CDH2: variants seen among roughly 807,000 people sequenced by gnomAD.
CDH2 encodes cadherin-2.
Under a neutral mutation model 92.0 loss-of-function variants are expected in CDH2, and 17 were observed. That is an observed-to-expected ratio of 0.18 (90% CI 0.13 to 0.28). CDH2 has a LOEUF of 0.28. Ranked by LOEUF, CDH2 falls within the 10% of genes least tolerant of loss-of-function variation. The pLI is 1.00. For synonymous variants in CDH2, 419 were observed against 415.9 expected (o/e 1.01, Z -0.09); for missense variants, 862 against 1,133.1 (o/e 0.76, Z 3.44).
chr18:28,175,811 G>A (rs1009286404), intron 1 of CDH2, among the ~76,000 whole-genome samples: 3 of 152,230 alleles, frequency 2.0e-5, no homozygotes, highest in Admixed American at 6.5e-5. Flanking sequence ...GGGACCCTCC[G>A]TGGATTTTCC....
chr18:28,170,081 T>C (rs1568025700), intron 1 of CDH2, among the ~76,000 whole-genome samples: 1 of 152,240 alleles, frequency 6.6e-6, no homozygotes, highest in African/African-American at 2.4e-5. Flanking sequence ...GGTTATTCCA[T>C]GATGTCAGCA....
At chr18:28,129,811 T>C (rs2015736633) in intron 2 of CDH2, among the ~76,000 whole-genome samples, 1 of 152,138 alleles carries the variant, frequency 6.6e-6, no homozygotes, top group African/African-American at 2.4e-5. Flanking sequence ...AATCAATTAA[T>C]TAATTAATTA....
chr18:28,069,138 A>G (rs1195283985), intron 2 of CDH2, among the ~76,000 whole-genome samples: 1 of 152,198 alleles, frequency 6.6e-6, no homozygotes, highest in African/African-American at 2.4e-5. Flanking sequence ...TTGACAAAGT[A>G]AAGATGCACA....
chr18:27,963,613 A>G lies in CDH2; in HGVS notation c.2350-92T>C, dbSNP rs1426832062. Reference sequence around the variant, plus strand: ...TTTTAAGCACATACTCAGAACACATAGAAATGAGGAAAATTTAACATAATG... The same window carrying G: ...TTTTAAGCACATACTCAGAACACATGGAAATGAGGAAAATTTAACATAATG... On this transcript the variant is annotated intron_variant, in intron 14 of 15. Transcript: ENST00000269141. 7 of 1,080,662 alleles carry G rather than the reference A, an allele frequency of 6.5e-6. No homozygotes were observed. In the East Asian group the frequency reaches 1.7e-4, roughly 27 times the overall value. The allele number at this position is 1,080,662 out of a possible 1,614,324, so 66.9% of individuals were successfully genotyped here.
chr18:27,955,507 T>A (rs1054801664), intron 15 of CDH2, among the ~76,000 whole-genome samples: 2 of 151,056 alleles, frequency 1.3e-5, no homozygotes, highest in African/African-American at 4.9e-5. Flanking sequence ...AGGGATGGCC[T>A]GTGTTTACTA....
At chr18:27,971,308 CTTTT>C (rs60035433) in intron 14 of CDH2, among the ~76,000 whole-genome samples, 3 of 114,472 alleles carry the variant, frequency 2.6e-5, no homozygotes, top group Non-Finnish European at 3.7e-5. Flanking sequence ...CATGTCAGTT[CTTTT>C]TTTTTTTTTT....
intron 2 of CDH2, among the ~76,000 whole-genome samples, chr18:28,125,600 A>T (rs1021814555): frequency 1.3e-5 from 2 of 152,160 alleles, no homozygotes; most frequent in South Asian, 2.1e-4. Flanking sequence ...CACTTGATTT[A>T]AGAAAATGCT....
At chr18:28,124,201 G>A (rs1232888814) in intron 2 of CDH2, among the ~76,000 whole-genome samples, 1 of 151,906 alleles carries the variant, frequency 6.6e-6, no homozygotes, top group Non-Finnish European at 1.5e-5. Flanking sequence ...CATACAGGGA[G>A]GGGTAAATCC....
chr18:28,024,300 T>A (rs1168370380), intron 2 of CDH2, among the ~76,000 whole-genome samples: 1 of 152,054 alleles, frequency 6.6e-6, no homozygotes, highest in Admixed American at 6.6e-5. Flanking sequence ...ATTCTAGTGA[T>A]GCTCAGAGGT....
At chr18:28,153,730 A>G (rs1229366530) in intron 1 of CDH2, among the ~76,000 whole-genome samples, 1 of 152,258 alleles carries the variant, frequency 6.6e-6, no homozygotes, top group Admixed American at 6.5e-5. Flanking sequence ...ACCAACTCAT[A>G]GGGCAGATGA....
In CDH2 at chr18:27,958,005, A is replaced by C. The variant is rs1353154163; in HGVS notation, c.2514+5352T>G. Among the ~76,000 whole-genome samples the C allele has an allele frequency of 3.9e-5, 6 of 152,216 alleles. No individual in the cohort carries two copies. In the East Asian group the frequency reaches 9.6e-4, roughly 24 times the overall value. ...TACTAATATGACACCAATAATAATT[A>C]AGAGATTTTTACTATGTGACAAGCA... On this transcript the variant is annotated intron_variant, in intron 15 of 15. Transcript: ENST00000269141.
intron 10 of CDH2, among the ~76,000 whole-genome samples, 180 bp from the exon 11 acceptor site, chr18:27,988,846 T>C (rs1000348690): frequency 3.9e-5 from 6 of 152,076 alleles, no homozygotes; most frequent in Non-Finnish European, 8.8e-5. Context: ...CACATAAAGG[T>C]TGTGTTTGGT....
At chr18:27,969,531 G>A (rs985458084) in intron 14 of CDH2, among the ~76,000 whole-genome samples, 12 of 152,024 alleles carry the variant, frequency 7.9e-5, no homozygotes, top group Admixed American at 2.6e-4. Flanking sequence ...CTTATTTCCC[G>A]TTACAAAATT....
intron 14 of CDH2, among the ~76,000 whole-genome samples, chr18:27,969,495 C>G (rs1407331282): frequency 6.6e-6 from 1 of 152,216 alleles, no homozygotes; most frequent in Non-Finnish European, 1.5e-5. Flanking sequence ...ATTTTAGAAA[C>G]TGTGACTGTT....
At chr18:28,029,569 T>A (rs1049294403) in intron 2 of CDH2, among the ~76,000 whole-genome samples, 3 of 152,054 alleles carry the variant, frequency 2.0e-5, no homozygotes, top group Non-Finnish European at 4.4e-5. Context: ...CAACTGACAA[T>A]AATAATCCTT....
chr18:27,985,650 G>C lies in CDH2; in HGVS notation c.1853C>G (p.Pro618Arg), dbSNP rs2012205768. Residue 618 changes from proline to arginine, a missense_variant, in exon 12 of 16, where the codon CCC becomes CGC. Transcript: ENST00000269141. ...AAGTGCTGTAATATTAATTGAATTGGGGTCTGGAGTTTCGCAAGTCTCTGC... is the reference window on the plus strand; with the variant it reads ...AAGTGCTGTAATATTAATTGAATTGCGGTCTGGAGTTTCGCAAGTCTCTGC... Reference protein sequence around the residue: ...QEAETCETPDPNSINITALDY... With the variant: ...QEAETCETPDRNSINITALDY... The C allele has an allele frequency of 6.2e-7, 1 of 1,613,632 alleles. No individual in the cohort carries two copies. The highest frequency in any genetic ancestry group is 8.5e-7 in the Non-Finnish European group (1 of 1,179,692).
At chr18:28,175,551 G>A (rs957400699) in intron 1 of CDH2, among the ~76,000 whole-genome samples, 1 of 152,112 alleles carries the variant, frequency 6.6e-6, no homozygotes, top group Non-Finnish European at 1.5e-5. Context: ...GACCGTCTAG[G>A]GGTTGCGGGA....
At chr18:28,176,909 G>C (rs967678849) in intron 1 of CDH2, 54 bp downstream of exon 1, 93 of 1,092,058 alleles carry the variant, frequency 8.5e-5, no homozygotes, top group Non-Finnish European at 7.4e-5. Context: ...AAAGGGACCC[G>C]GCGCCGCCCG....
intron 5 of CDH2, among the ~76,000 whole-genome samples, chr18:28,007,828 C>T (rs906052525): frequency 6.6e-6 from 1 of 152,128 alleles, no homozygotes; most frequent in Admixed American, 6.5e-5. Context: ...CTCCCAGGTT[C>T]AAGTGATTCT....
Sources: gnomAD v4.1 joint callset for allele counts (sites outside exome capture counted in the v4.1 genomes callset) on GRCh38, gnomAD v4.1.1 for gene constraint, MANE v1.5 for transcripts, NCBI Gene and HGNC (gene_info 2026-07-23, HGNC 2026-07-21) for gene names.